UGT1A9: variants seen among roughly 807,000 people sequenced by gnomAD.
UGT1A9 encodes the protein UDP glucuronosyltransferase family 1 member A9.
A neutral mutation model predicts 45.0 loss-of-function variants in UGT1A9; 35 were observed. That is an observed-to-expected ratio of 0.78 (90% CI 0.59 to 1.03). The LOEUF is 1.03. Ranked by LOEUF, UGT1A9 falls within the 50% of genes least tolerant of loss-of-function variation. The pLI, the probability that UGT1A9 is intolerant of heterozygous loss-of-function variation, is 0.00. For missense variants in UGT1A9, 687 were observed against 666.6 expected (o/e 1.03, Z -0.34); for synonymous variants, 278 against 250.6 (o/e 1.11, Z -1.03).
At chr2:233,697,412 C>A (rs2075389371) in intron 1 of UGT1A9, among the ~76,000 whole-genome samples, 1 of 151,670 alleles carries the variant, frequency 6.6e-6, no homozygotes, top group African/African-American at 2.4e-5. Flanking sequence ...TCTGTGGTGT[C>A]AGTTGCTGTG....
intron 1 of UGT1A9, among the ~76,000 whole-genome samples, chr2:233,686,724 G>C (rs948109683): frequency 6.6e-6 from 1 of 152,120 alleles, no homozygotes; most frequent in Non-Finnish European, 1.5e-5. Context: ...CGGCTATGAA[G>C]GTCAACCTCT....
chr2:233,747,460 C>T, intron 1 of UGT1A9: 1 of 1,608,790 alleles, frequency 6.2e-7, no homozygotes, highest in Non-Finnish European at 8.5e-7. Context: ...TATGCCATTT[C>T]ATGGACCCAG....
rs777511549 is a variant in UGT1A9 at position 233,672,654 on chromosome 2, G to A, written c.720G>A (p.Thr240=). The part of the protein sequence containing the change: ...IASEILQTPV[T]EYDLYSHTSI... The stretch of plus-strand genomic sequence containing the variant: ...CTGAAATTCTCCAAACACCTGTTAC[G>A]GAGTATGATCTCTACAGCCACACAT... The change falls in exon 1 of 5, where the codon ACG becomes ACA. Residue 240 remains threonine, a synonymous_variant. Coordinates refer to ENST00000354728, the MANE Select transcript of UGT1A9 (RefSeq NM_021027.3). 64 of 1,613,688 alleles carry A rather than the reference G, an allele frequency of 4.0e-5. No individual in the cohort carries two copies. In the Middle Eastern group the frequency reaches 4.9e-4, roughly 12 times the overall value.
chr2:233,735,768 A>T (rs1170033276), intron 1 of UGT1A9, among the ~76,000 whole-genome samples: 1 of 152,144 alleles, frequency 6.6e-6, no homozygotes, highest in Non-Finnish European at 1.5e-5. Flanking sequence ...TTCACTTATG[A>T]AGCTTACTTT....
chr2:233,761,878 A>G (rs1435325744), intron 1 of UGT1A9, among the ~76,000 whole-genome samples: 1 of 152,196 alleles, frequency 6.6e-6, no homozygotes, highest in African/African-American at 2.4e-5. Flanking sequence ...GAGAGCGTTC[A>G]TTCACTTATC....
At chr2:233,692,459 C>T (rs2075095926) in intron 1 of UGT1A9, 1 of 156,816 alleles carries the variant, frequency 6.4e-6, no homozygotes, top group Admixed American at 6.0e-5. Context: ...CTACTACTTG[C>T]AATTGGTGTC....
At chr2:233,759,288 G>A (rs1441627679) in intron 1 of UGT1A9, among the ~76,000 whole-genome samples, 1 of 152,182 alleles carries the variant, frequency 6.6e-6, no homozygotes, top group African/African-American at 2.4e-5. Context: ...GGTTGATGAA[G>A]CTGAGCCCTG....
At position 233,768,551 on chromosome 2, in the gene UGT1A9, A is replaced by G. The variant is rs1699641302; in HGVS notation, c.1295+112A>G. The G allele has an allele frequency of 4.1e-6, 6 of 1,478,370 alleles. No individual in the cohort carries two copies. The East Asian group carries it at 1.5e-4, about 37-fold the overall frequency. 91.6% of individuals were successfully genotyped at this position (1,478,370 alleles called of 1,614,324 possible). A position where few individuals can be genotyped will look rare whatever the true frequency, so the allele number is the denominator to read the frequency against. The stretch of plus-strand genomic sequence containing the variant: ...ATAGCGTTGTTTCAAATATAAAAAC[A>G]AATACATAAAAATCTGGATTTTTAT... On this transcript the variant is annotated intron_variant, in intron 4 of 4. Transcript: ENST00000354728.
chr2:233,767,797 T>G lies in UGT1A9; in HGVS notation c.988-52T>G, dbSNP rs1012424785. The stretch of plus-strand genomic sequence containing the variant: ...TCTAGTTAGTATAGCAGATTTGTTT[T>G]CTAATCATATTATGTTCTTTCTTTA... On this transcript the variant is annotated intron_variant, in intron 2 of 4. Coordinates refer to ENST00000354728, the MANE Select transcript of UGT1A9 (RefSeq NM_021027.3). 5 of 1,614,032 alleles carry G rather than the reference T, an allele frequency of 3.1e-6. No individual in the cohort carries two copies. In the African/African-American group the frequency reaches 4.0e-5, roughly 13 times the overall value.
Position 233,734,700 on chromosome 2 carries a change from T to TTG in UGT1A9, c.856-32334_856-32333insTG, listed in dbSNP as rs1319489997. Among the ~76,000 whole-genome samples the TTG allele has an allele frequency of 9.9e-3, 1,501 of 152,266 alleles. 21 individuals carry two copies. Among genetic ancestry groups the TTG allele is most frequent in the African/African-American group, 0.034 (1,432 of 41,556 alleles). ...ACTGATTTAAATGTGTCCCAGAGATTCTGGTATGTTGTGTCTTTGTTCTCG... is the reference window on the plus strand; with the variant it reads ...ACTGATTTAAATGTGTCCCAGAGATTTGCTGGTATGTTGTGTCTTTGTTCTCG... On this transcript the variant is annotated intron_variant, in intron 1 of 4. Coordinates refer to ENST00000354728, the MANE Select transcript of UGT1A9 (RefSeq NM_021027.3).
intron 4 of UGT1A9, among the ~76,000 whole-genome samples, chr2:233,771,801 TC>T (rs1700390551): frequency 9.1e-6 from 1 of 110,270 alleles, no homozygotes; most frequent in Non-Finnish European, 1.8e-5. Flanking sequence ...CCTCCCTCCC[TC>T]CCTTCCTCCT....
At chr2:233,766,487 G>A (rs1575820615) in intron 1 of UGT1A9, among the ~76,000 whole-genome samples, 1 of 152,190 alleles carries the variant, frequency 6.6e-6, no homozygotes, top group Non-Finnish European at 1.5e-5. Context: ...TGATGGGGGC[G>A]TGGCAGGCCA....
intron 1 of UGT1A9, chr2:233,693,203 T>C (rs763106446): frequency 6.2e-7 from 1 of 1,614,132 alleles, no homozygotes; most frequent in South Asian, 1.1e-5. Flanking sequence ...TAATTTGCTT[T>C]TGAAAGAATC....
chr2:233,767,912 T>A lies in UGT1A9; in HGVS notation c.1051T>A (p.Trp351Arg), dbSNP rs1559414817. The change falls in exon 3 of 5, where the codon TGG (tryptophan) becomes AGG (arginine). Residue 351 changes from tryptophan (W) to arginine (R), a missense_variant. Physicochemically the swap from Trp to Arg is moderately radical, Grantham distance 101. Coordinates refer to ENST00000354728, the MANE Select transcript of UGT1A9 (RefSeq NM_021027.3). ...TGCGAACAACACGATACTTGTTAAG[T>A]GGCTACCCCAAAACGATCTGCTTGG... is the stretch of plus-strand genomic sequence containing the variant. The part of the protein sequence containing the change: ...NLANNTILVK[W>R]LPQNDLLGHP... The A allele has an allele frequency of 2.5e-6, 4 of 1,614,202 alleles. No homozygotes were observed. Among genetic ancestry groups the A allele is most frequent in the Non-Finnish European group, 3.4e-6 (4 of 1,180,044 alleles).
chr2:233,722,845 C>CT (rs61550889), intron 1 of UGT1A9, among the ~76,000 whole-genome samples: 61,845 of 135,260 alleles, frequency 0.46, 16,439 homozygotes, highest in African/African-American at 0.64. Context: ...AAGAATGTTT[C>CT]TTTTTTTTTT....
In UGT1A9 at chr2:233,672,171, T is replaced by G; in HGVS notation, c.237T>G (p.Thr79=). Residue 79 remains threonine, a synonymous_variant, in exon 1 of 5, where the codon ACT becomes ACG. Coordinates refer to ENST00000354728, the MANE Select transcript of UGT1A9 (RefSeq NM_021027.3). ...ATTGCACAGTGAAGACTTATTCAAC[T>G]TCATATACCCTGGAGGATCTGGACC... is the stretch of plus-strand genomic sequence containing the variant. ...SLNCTVKTYS[T]SYTLEDLDRE... is the part of the protein sequence containing the mutation. 1.9e-6 allele frequency: 3 copies of G among 1,614,152 alleles called. No individual in the cohort carries two copies. The highest frequency in any genetic ancestry group is 1.7e-6 in the Non-Finnish European group (2 of 1,180,018).
intron 1 of UGT1A9, chr2:233,691,620 GCAGTGTGGTTAGCAGGCAGGGC>G: frequency 1.0e-6 from 1 of 985,672 alleles, no homozygotes; most frequent in Non-Finnish European, 1.2e-6. Context: ...ACCGCCCTCA[GCAGTGTGGTTAGCAGGCAGGGC>G]CAGTGTGACC....
At chr2:233,743,803 G>A (rs568702968) in intron 1 of UGT1A9, 1 of 1,367,298 alleles carries the variant, frequency 7.3e-7, no homozygotes, top group Admixed American at 1.9e-5. Context: ...CTTCCTCCTT[G>A]TTCTCAGGGT....
At position 233,747,809 on chromosome 2, in the gene UGT1A9, G is replaced by T. The variant is rs955692001; in HGVS notation, c.856-19225G>T. 2.4e-5 allele frequency: 38 copies of T among 1,613,216 alleles called. No homozygotes were observed. In the Admixed American group the frequency reaches 6.2e-4, roughly 26 times the overall value. ...CCTCCTATATTCCTAAGTTACTAAC[G>T]ACCAATTCAGACCACATGACATTCC... On this transcript the variant is annotated intron_variant, in intron 1 of 4. Coordinates refer to ENST00000354728, the MANE Select transcript of UGT1A9 (RefSeq NM_021027.3).
Sources: allele counts gnomAD v4.1 joint callset (sites outside exome capture counted in the v4.1 genomes callset), GRCh38; gene constraint gnomAD v4.1.1; transcripts MANE v1.5; gene names NCBI Gene and HGNC (gene_info 2026-07-23, HGNC 2026-07-21).